Variants in ARK2N observed in about 807,000 individuals in gnomAD.
ARK2N encodes arkadia (RNF111) N-terminal like PKA signaling regulator 2N, also known as protein ARK2N.
chr18:46,230,998 C>T, the ARK2N span, among the ~76,000 whole-genome samples: 3 of 152,178 alleles, frequency 2.0e-5, no homozygotes, highest in African/African-American at 7.2e-5. Context: ...TAAGAGAATT[C>T]AACCAGCGGA....
chr18:46,214,225 A>G, the ARK2N span, among the ~76,000 whole-genome samples: 658 of 152,330 alleles, frequency 4.3e-3, 3 homozygotes, highest in African/African-American at 0.015. Context: ...TTTGTCTGCT[A>G]TAGATTGAAC....
the ARK2N span, among the ~76,000 whole-genome samples, chr18:46,204,902 T>C: frequency 1.6e-4 from 24 of 151,514 alleles, no homozygotes; most frequent in Middle Eastern, 3.4e-3. Flanking sequence ...GTTTTTTTTT[T>C]CCCTGCTTTC....
the ARK2N span, among the ~76,000 whole-genome samples, chr18:46,196,168 T>C: frequency 0.73 from 110,759 of 150,796 alleles, 40,728 homozygotes; most frequent in Middle Eastern, 0.78. Context: ...TTAGTAGAGA[T>C]GGGGTTTCTC....
the ARK2N span, among the ~76,000 whole-genome samples, chr18:46,212,433 GTTAT>G: frequency 2.0e-5 from 3 of 151,924 alleles, no homozygotes; most frequent in Non-Finnish European, 4.4e-5. Flanking sequence ...ATATAGTTTT[GTTAT>G]TTATTTACAT....
At chr18:46,187,490 C>T in the ARK2N span, among the ~76,000 whole-genome samples, 20 of 151,790 alleles carry the variant, frequency 1.3e-4, no homozygotes, top group South Asian at 4.2e-4. Flanking sequence ...TACAGGTGCA[C>T]GCCGCCACGC....
the ARK2N span, among the ~76,000 whole-genome samples, chr18:46,196,407 G>A: frequency 1.3e-5 from 2 of 151,460 alleles, no homozygotes; most frequent in East Asian, 1.9e-4. Context: ...GACTACAGGC[G>A]CCTGCCACCA....
chr18:46,177,682 C>G, the ARK2N span, among the ~76,000 whole-genome samples: 1 of 151,980 alleles, frequency 6.6e-6, no homozygotes, highest in Non-Finnish European at 1.5e-5. Flanking sequence ...CTGCCTCGGC[C>G]TCCCAAAGTG....
chr18:46,257,093 A>G, the ARK2N span, among the ~76,000 whole-genome samples: 4 of 152,180 alleles, frequency 2.6e-5, no homozygotes, highest in African/African-American at 9.7e-5. Flanking sequence ...TTTGATTTGC[A>G]TGTATAGAGT....
the ARK2N span, among the ~76,000 whole-genome samples, chr18:46,245,847 C>T: frequency 6.6e-6 from 1 of 152,190 alleles, no homozygotes; most frequent in East Asian, 1.9e-4. Flanking sequence ...TTCTGTGCTT[C>T]TTTTTCTTAC....
chr18:46,232,575 A>G, the ARK2N span: 1 of 152,218 alleles, frequency 6.6e-6, no homozygotes, highest in Non-Finnish European at 1.5e-5. Flanking sequence ...ATTGTAAGTA[A>G]CAGGGAATAA....
At chr18:46,261,406 G>A in the ARK2N span, among the ~76,000 whole-genome samples, 2 of 152,116 alleles carry the variant, frequency 1.3e-5, no homozygotes, top group Non-Finnish European at 2.9e-5. Flanking sequence ...TACCTCATAG[G>A]TCTGTCAGAA....
the ARK2N span, chr18:46,240,183 G>A: frequency 5.3e-5 from 85 of 1,613,968 alleles, no homozygotes; most frequent in Non-Finnish European, 6.9e-5. Flanking sequence ...TGAATGCAGA[G>A]GCAGGTTGGT....
the ARK2N span, among the ~76,000 whole-genome samples, chr18:46,180,665 T>C: frequency 1.3e-5 from 2 of 151,838 alleles, no homozygotes; most frequent in Admixed American, 1.3e-4. Context: ...ATTGTGCCAT[T>C]GCACTCCAGC....
At chr18:46,208,297 G>T in the ARK2N span, among the ~76,000 whole-genome samples, 1,038 of 151,976 alleles carry the variant, frequency 6.8e-3, 7 homozygotes, top group African/African-American at 0.023. Flanking sequence ...TGCAATCCAG[G>T]GAAAACATAC....
At chr18:46,217,053 T>C in the ARK2N span, 1 of 154,228 alleles carries the variant, frequency 6.5e-6, no homozygotes, top group Admixed American at 6.4e-5. Flanking sequence ...AGTTTTCTAA[T>C]AATTTTTCCT....
At chr18:46,188,535 G>T in the ARK2N span, among the ~76,000 whole-genome samples, 3 of 151,932 alleles carry the variant, frequency 2.0e-5, no homozygotes, top group African/African-American at 7.3e-5. Context: ...TAGTAGGGAC[G>T]AGGTCTCACT....
the ARK2N span, among the ~76,000 whole-genome samples, chr18:46,176,168 C>T: frequency 2.6e-5 from 4 of 152,252 alleles, no homozygotes; most frequent in South Asian, 6.2e-4. Flanking sequence ...AAATTCTGTG[C>T]GCTTCTGTAG....
At chr18:46,230,084 C>T in the ARK2N span, among the ~76,000 whole-genome samples, 239 of 152,064 alleles carry the variant, frequency 1.6e-3, 1 homozygote, top group African/African-American at 5.5e-3. Context: ...CACAACTGGC[C>T]CGGCTAATTT....
chr18:46,181,347 G>A, the ARK2N span, among the ~76,000 whole-genome samples: 1 of 152,130 alleles, frequency 6.6e-6, no homozygotes, highest in Admixed American at 6.5e-5. Flanking sequence ...CATGTATTAA[G>A]TTCTGATTGT....
Sources: allele counts gnomAD v4.1 joint callset (sites outside exome capture counted in the v4.1 genomes callset), GRCh38; gene constraint gnomAD v4.1.1; transcripts MANE v1.5; gene names NCBI Gene and HGNC (gene_info 2026-07-23, HGNC 2026-07-21).